THRB: variants seen among roughly 807,000 people sequenced by gnomAD.
THRB encodes nuclear receptor subfamily 1 group A member 2.
A neutral mutation model predicts 47.8 loss-of-function variants in THRB; 12 were observed. That is an observed-to-expected ratio of 0.25 (90% CI 0.16 to 0.41). THRB has a LOEUF of 0.41. Ranked by LOEUF, THRB falls within the 10% of genes least tolerant of loss-of-function variation. The pLI, the probability that THRB is intolerant of heterozygous loss-of-function variation, is 1.00. For synonymous variants in THRB, 218 were observed against 212.2 expected, an observed-to-expected ratio of 1.03 and a Z score of -0.24; for missense variants, 348 against 589.2, an observed-to-expected ratio of 0.59 and a Z score of 4.24.
At chr3:24,237,355 A>G (rs2048977248) in intron 3 of THRB, among the ~76,000 whole-genome samples, 1 of 152,204 alleles carries the variant, frequency 6.6e-6, no homozygotes, top group South Asian at 2.1e-4. Context: ...ACCAGGGTCT[A>G]TGGTTGAAAC....
chr3:24,396,284 T>C (rs1237722016), intron 1 of THRB, among the ~76,000 whole-genome samples: 1 of 152,112 alleles, frequency 6.6e-6, no homozygotes, highest in Non-Finnish European at 1.5e-5. Context: ...TCCCAATGCC[T>C]GGGCCATACC....
At position 24,285,594 on chromosome 3, in the gene THRB, G is replaced by T. The variant is rs1368518296; in HGVS notation, c.-43+11632C>A. On this transcript the variant is annotated intron_variant, in intron 3 of 10. Coordinates refer to ENST00000646209, the MANE Select transcript of THRB (RefSeq NM_001354712.2). ...ACTTAAAGTATAATTAAAAAAAAAA[G>T]CCATAGAACCAATTTCTGATGCCAT... is the stretch of plus-strand genomic sequence containing the variant. 3.3e-5 allele frequency among the ~76,000 whole-genome samples: 5 copies of T among 150,894 alleles called. No individual in the cohort carries two copies. In the East Asian group the frequency reaches 9.7e-4, roughly 29 times the overall value.
intron 4 of THRB, among the ~76,000 whole-genome samples, chr3:24,226,338 T>C (rs1161677175): frequency 6.6e-6 from 1 of 152,206 alleles, no homozygotes; most frequent in Non-Finnish European, 1.5e-5. Flanking sequence ...CATGTACCCC[T>C]GAGCCCACTG....
intron 2 of THRB, among the ~76,000 whole-genome samples, chr3:24,334,152 T>G (rs370262307): frequency 9.2e-5 from 14 of 152,324 alleles, no homozygotes; most frequent in African/African-American, 3.4e-4. Flanking sequence ...GCAAGGAAAG[T>G]GCTTTTTAGA....
At chr3:24,493,982 G>C (rs1249272129) in intron 1 of THRB, 1 of 152,260 alleles carries the variant, frequency 6.6e-6, no homozygotes, top group Non-Finnish European at 1.5e-5. Flanking sequence ...ACCAACTCGA[G>C]GAGACCCAGA....
At chr3:24,425,435 C>A (rs574904299) in intron 1 of THRB, among the ~76,000 whole-genome samples, 2 of 151,716 alleles carry the variant, frequency 1.3e-5, no homozygotes, top group Non-Finnish European at 2.9e-5. Context: ...AATGTGAGTA[C>A]GCACCTTTTT....
chr3:24,218,448 G>A (rs1226785697), intron 4 of THRB, among the ~76,000 whole-genome samples: 1 of 149,300 alleles, frequency 6.7e-6, no homozygotes, highest in Non-Finnish European at 1.5e-5. Flanking sequence ...CTAGTGAGAA[G>A]ACATGAATTA....
rs1382934538 is a variant in THRB at position 24,117,446 on chromosome 3, G to A, written c.*5438C>T. 6.6e-6 allele frequency: 1 copy of A among 152,218 alleles called. No individual in the cohort carries two copies. Among genetic ancestry groups the A allele is most frequent in the Non-Finnish European group, 1.5e-5 (1 of 68,054 alleles). 9.4% of individuals were successfully genotyped at this position (152,218 alleles called of 1,614,324 possible). A position where few individuals can be genotyped will look rare whatever the true frequency, so the allele number is the denominator to read the frequency against. ...CAGTTCCAGGATTCCTGAGGATAAG[G>A]TTGGTTATGCATCTGTTTTCCTCAC... On this transcript the variant is annotated 3_prime_UTR_variant, in exon 11 of 11. Transcript: ENST00000646209.
chr3:24,457,380 C>T lies in THRB; in HGVS notation c.-261+37272G>A, dbSNP rs186460550. ...AACATTCTGGCCATTAAAATGAACA[C>T]TTGGCATTTGATTAGCAGGTATAGA... On this transcript the variant is annotated intron_variant, in intron 1 of 10. Transcript: ENST00000646209. Among the ~76,000 whole-genome samples the T allele has an allele frequency of 1.4e-4, 21 of 152,278 alleles. No individual in the cohort carries two copies. In the East Asian group the frequency reaches 4.1e-3, roughly 29 times the overall value.
chr3:24,482,557 C>CTCTCTT (rs1268013074), intron 1 of THRB, among the ~76,000 whole-genome samples: 1 of 151,644 alleles, frequency 6.6e-6, no homozygotes, highest in Non-Finnish European at 1.5e-5. Context: ...CTCTCTCTCT[C>CTCTCTT]TCTCTCTCTC....
rs541952698 is a variant in THRB, at chr3:24,354,708, A to G, written c.-260-17337T>C. On this transcript the variant is annotated intron_variant, in intron 1 of 10. Coordinates refer to ENST00000646209, the MANE Select transcript of THRB (RefSeq NM_001354712.2). ...AAATAAAGGATTACTGTGTCAACTC[A>G]TGAGTAAAAGTGAAGAGCAAACTTC... Among the ~76,000 whole-genome samples the G allele has an allele frequency of 2.0e-5, 3 of 152,298 alleles. No homozygotes were observed. The South Asian group carries it at 6.2e-4, about 32-fold the overall frequency.
chr3:24,464,611 CTT>C (rs1403643341), intron 1 of THRB, among the ~76,000 whole-genome samples: 2 of 152,112 alleles, frequency 1.3e-5, no homozygotes, highest in Non-Finnish European at 2.9e-5. Flanking sequence ...AGTTCATTTA[CTT>C]TTAATGTGAT....
At chr3:24,396,381 A>C (rs1266676183) in intron 1 of THRB, among the ~76,000 whole-genome samples, 1 of 41,494 alleles carries the variant, frequency 2.4e-5, no homozygotes, top group Admixed American at 3.4e-4. Context: ...CCAACGGTGA[A>C]AACACTGAGT....
intron 1 of THRB, among the ~76,000 whole-genome samples, chr3:24,388,489 G>A (rs566309863): frequency 3.3e-5 from 5 of 152,124 alleles, no homozygotes; most frequent in African/African-American, 1.2e-4. Flanking sequence ...ATAACCCAAA[G>A]GTTGGTCCCT....
At chr3:24,300,309 A>G (rs1224540921) in intron 2 of THRB, among the ~76,000 whole-genome samples, 1 of 152,208 alleles carries the variant, frequency 6.6e-6, no homozygotes, top group Non-Finnish European at 1.5e-5. Context: ...GGATTCTTGC[A>G]TGATCTACCA....
chr3:24,344,680 T>A (rs1446504222), intron 1 of THRB, among the ~76,000 whole-genome samples: 2 of 141,488 alleles, frequency 1.4e-5, no homozygotes, highest in Non-Finnish European at 3.0e-5. Context: ...TACACAAATA[T>A]GTAGGGATAT....
At chr3:24,287,070 G>A (rs1197902794) in intron 3 of THRB, among the ~76,000 whole-genome samples, 1 of 152,180 alleles carries the variant, frequency 6.6e-6, no homozygotes, top group Non-Finnish European at 1.5e-5. Context: ...AAAGCTTGTG[G>A]AAATCCAGGC....
At chr3:24,493,217 T>G (rs1396865466) in intron 1 of THRB, among the ~76,000 whole-genome samples, 1 of 152,244 alleles carries the variant, frequency 6.6e-6, no homozygotes, top group Non-Finnish European at 1.5e-5. Flanking sequence ...CTCTGACTGA[T>G]TTCGGAATTA....
intron 3 of THRB, among the ~76,000 whole-genome samples, chr3:24,259,085 T>A (rs1418420340): frequency 6.6e-6 from 1 of 152,154 alleles, no homozygotes; most frequent in South Asian, 2.1e-4. Flanking sequence ...GCCTGCTCCA[T>A]GAGCATCCAA....
Sources: allele counts gnomAD v4.1 joint callset (sites outside exome capture counted in the v4.1 genomes callset), GRCh38; gene constraint gnomAD v4.1.1; transcripts MANE v1.5; gene names NCBI Gene and HGNC (gene_info 2026-07-23, HGNC 2026-07-21).